CDH18: variants seen among roughly 807,000 people sequenced by gnomAD.
CDH18 encodes the protein cadherin-18.
Under a neutral mutation model 67.9 loss-of-function variants are expected in CDH18, and 31 were observed. The ratio of observed to expected loss-of-function variants is 0.46; its 90% CI spans 0.34 to 0.62. The LOEUF is 0.62. CDH18 is among the 20% of genes least tolerant of loss of function. The pLI, the probability that CDH18 is intolerant of heterozygous loss-of-function variation, is 0.01. For missense variants in CDH18, 890 were observed against 975.5 expected (o/e 0.91, Z 1.17); for synonymous variants, 362 against 347.2 (o/e 1.04, Z -0.48).
intron 6 of CDH18, 121 bp from the exon 7 acceptor site, chr5:19,591,365 G>T (rs1745107380): frequency 3.8e-6 from 2 of 533,170 alleles, no homozygotes; most frequent in Admixed American, 4.0e-5. Context: ...TGCATCAAAT[G>T]GACTTTTTTA....
chr5:20,481,703 T>C (rs1420471748), intron 1 of CDH18, among the ~76,000 whole-genome samples: 3 of 152,006 alleles, frequency 2.0e-5, no homozygotes, highest in African/African-American at 7.2e-5. Flanking sequence ...CCTAAAAGAT[T>C]AGTGGGTCAA....
In CDH18 at chr5:19,920,893, G is replaced by GCA. The variant is rs70954622; in HGVS notation, c.-257+60165_-257+60166dup. On this transcript the variant is annotated intron_variant, in intron 2 of 12. Transcript: ENST00000382275. ...ATTATATATATGTATACCCACAAGA[G>GCA]CACACACACACACACACACACACAC... is the stretch of plus-strand genomic sequence containing the variant. 6.5e-3 allele frequency among the ~76,000 whole-genome samples: 950 copies of GCA among 146,200 alleles called. 8 individuals carry two copies. Among genetic ancestry groups the GCA allele is most frequent in the African/African-American group, 0.021 (834 of 39,392 alleles).
chr5:20,475,518 T>G (rs1365125629), intron 1 of CDH18, among the ~76,000 whole-genome samples: 2 of 152,210 alleles, frequency 1.3e-5, no homozygotes, highest in Non-Finnish European at 2.9e-5. Flanking sequence ...TTTGTGCTAT[T>G]ATAAATTCAA....
intron 2 of CDH18, among the ~76,000 whole-genome samples, chr5:20,033,902 C>T (rs1739615925): frequency 6.6e-6 from 1 of 151,938 alleles, no homozygotes; most frequent in Non-Finnish European, 1.5e-5. Context: ...AATATAAATA[C>T]AGTATAAATT....
At chr5:20,198,622 C>G (rs1175195717) in intron 2 of CDH18, among the ~76,000 whole-genome samples, 1 of 152,132 alleles carries the variant, frequency 6.6e-6, no homozygotes, top group Non-Finnish European at 1.5e-5. Flanking sequence ...AAAATGCAAG[C>G]CTGCTGCAGA....
chr5:20,260,798 C>G (rs1330707968), intron 1 of CDH18, among the ~76,000 whole-genome samples: 1 of 152,188 alleles, frequency 6.6e-6, no homozygotes, highest in East Asian at 1.9e-4. Context: ...CTAAGGGCTA[C>G]TTCTGGAAGC....
intron 1 of CDH18, among the ~76,000 whole-genome samples, chr5:20,276,795 C>T (rs546990219): frequency 1.3e-3 from 193 of 152,200 alleles, no homozygotes; most frequent in Non-Finnish European, 1.9e-3. Flanking sequence ...TTGCCCTGAA[C>T]GGAGAGTCCC....
At chr5:19,672,012 A>G (rs1758817749) in intron 5 of CDH18, among the ~76,000 whole-genome samples, 1 of 152,148 alleles carries the variant, frequency 6.6e-6, no homozygotes. Flanking sequence ...CATGGTATAA[A>G]CTGAGCTACC....
intron 1 of CDH18, among the ~76,000 whole-genome samples, chr5:20,506,492 C>T (rs2126465923): frequency 6.6e-6 from 1 of 152,318 alleles, no homozygotes; most frequent in South Asian, 2.1e-4. Context: ...AGCTGAACCC[C>T]CAGACTGACA....
At chr5:19,849,962 T>C (rs1342489310) in intron 2 of CDH18, among the ~76,000 whole-genome samples, 1 of 151,698 alleles carries the variant, frequency 6.6e-6, no homozygotes, top group Non-Finnish European at 1.5e-5. Context: ...TACAGTTCTG[T>C]CTTAGTCCAG....
intron 2 of CDH18, among the ~76,000 whole-genome samples, chr5:20,032,040 T>C (rs1739444849): frequency 6.6e-6 from 1 of 152,062 alleles, no homozygotes; most frequent in Non-Finnish European, 1.5e-5. Flanking sequence ...GCAGAAGCCA[T>C]GTTTCTAAAT....
chr5:19,862,873 A>T (rs13183881), intron 2 of CDH18, among the ~76,000 whole-genome samples: 57,405 of 151,626 alleles, frequency 0.38, 11,871 homozygotes, highest in Middle Eastern at 0.55. Flanking sequence ...CTGAAAAGAC[A>T]GTTTATTATG....
intron 2 of CDH18, among the ~76,000 whole-genome samples, chr5:20,044,542 A>T (rs1740745538): frequency 6.6e-6 from 1 of 152,160 alleles, no homozygotes; most frequent in South Asian, 2.1e-4. Context: ...AAAGCATTTA[A>T]GCATTGCATT....
intron 2 of CDH18, among the ~76,000 whole-genome samples, chr5:20,072,755 T>C (rs1219424389): frequency 6.6e-6 from 1 of 151,844 alleles, no homozygotes; most frequent in Non-Finnish European, 1.5e-5. Flanking sequence ...GCAAATGGTA[T>C]CATTTCCTAT....
chr5:19,513,944 C>A (rs1745518770), intron 10 of CDH18, among the ~76,000 whole-genome samples: 1 of 151,994 alleles, frequency 6.6e-6, no homozygotes, highest in African/African-American at 2.4e-5. Context: ...CTTGCTGCAC[C>A]CATTAATTCG....
chr5:20,250,795 A>G (rs141631736), intron 2 of CDH18, among the ~76,000 whole-genome samples: 3,844 of 151,536 alleles, frequency 0.025, 150 homozygotes, highest in African/African-American at 0.089. Flanking sequence ...TAGTAGAGAC[A>G]GGGTTTTACC....
At position 20,413,906 on chromosome 5, in the gene CDH18, G is replaced by A. The variant is rs1454764988; in HGVS notation, c.-579-158401C>T. ...CTTGCCCATGCCTGTAACCTGAATGGTATTGCCTAGGTTTTCTTCTCGGGT... is the reference window on the plus strand; with the variant it reads ...CTTGCCCATGCCTGTAACCTGAATGATATTGCCTAGGTTTTCTTCTCGGGT... On this transcript the variant is annotated intron_variant, in intron 1 of 14. Coordinates refer to the CDH18 transcript ENST00000507958. Among the ~76,000 whole-genome samples the A allele has an allele frequency of 2.0e-5, 3 of 152,102 alleles. No individual in the cohort carries two copies. The East Asian group carries it at 5.8e-4, about 29-fold the overall frequency.
At chr5:19,878,362 A>G (rs959983124) in intron 2 of CDH18, among the ~76,000 whole-genome samples, 3 of 152,080 alleles carry the variant, frequency 2.0e-5, no homozygotes, top group African/African-American at 7.2e-5. Context: ...ACGTATTTAT[A>G]TTATTCTTTG....
intron 1 of CDH18, among the ~76,000 whole-genome samples, chr5:20,503,274 G>A (rs1473612837): frequency 2.0e-5 from 3 of 149,858 alleles, no homozygotes; most frequent in Non-Finnish European, 4.4e-5. Context: ...CAATGACACA[G>A]TGACTTTTTT....
Sources: allele counts gnomAD v4.1 joint callset (sites outside exome capture counted in the v4.1 genomes callset), GRCh38; gene constraint gnomAD v4.1.1; transcripts MANE v1.5; gene names NCBI Gene and HGNC (gene_info 2026-07-23, HGNC 2026-07-21).